Variants in EVA1C observed in about 807,000 individuals in gnomAD.
EVA1C encodes the protein eva-1 homolog C.
Under a neutral mutation model 45.4 loss-of-function variants are expected in EVA1C, and 25 were observed. That is an observed-to-expected ratio of 0.55 (90% CI 0.40 to 0.77). The LOEUF is 0.77. Ranked by LOEUF, EVA1C falls within the 30% of genes least tolerant of loss-of-function variation. EVA1C has a pLI of 0.00. For missense variants in EVA1C, 479 were observed against 554.8 expected (o/e 0.86, Z 1.37); for synonymous variants, 190 against 221.2 (o/e 0.86, Z 1.25).
intron 4 of EVA1C, among the ~76,000 whole-genome samples, chr21:32,494,489 T>C (rs1363833063): frequency 6.6e-6 from 1 of 152,134 alleles, no homozygotes; most frequent in Non-Finnish European, 1.5e-5. Context: ...TTCAAAAATA[T>C]ATCAGAATTT....
chr21:32,494,904 C>A, intron 4 of EVA1C, 123 bp from the exon 5 acceptor site: 2 of 1,043,470 alleles, frequency 1.9e-6, no homozygotes, highest in Non-Finnish European at 2.8e-6. Context: ...AGAAAATAAG[C>A]AGAGAAACTC....
At chr21:32,454,941 A>G (rs1381640538) in intron 2 of EVA1C, among the ~76,000 whole-genome samples, 1 of 152,192 alleles carries the variant, frequency 6.6e-6, no homozygotes, top group Non-Finnish European at 1.5e-5. Context: ...ATGACTCCCC[A>G]TGACATGGTT....
At chr21:32,437,179 C>CA (rs368504892) in intron 1 of EVA1C, among the ~76,000 whole-genome samples, 31 of 135,742 alleles carry the variant, frequency 2.3e-4, no homozygotes, top group African/African-American at 7.8e-4. Context: ...CAAAACAAAA[C>CA]AAACATAGAT....
At chr21:32,460,027 C>T (rs2035941909) in intron 3 of EVA1C, among the ~76,000 whole-genome samples, 1 of 152,152 alleles carries the variant, frequency 6.6e-6, no homozygotes, top group Non-Finnish European at 1.5e-5. Context: ...TTGACCGAAC[C>T]TCGGATAAGT....
chr21:32,460,351 T>C (rs777372339), intron 3 of EVA1C, among the ~76,000 whole-genome samples: 16 of 152,218 alleles, frequency 1.1e-4, no homozygotes, highest in Non-Finnish European at 1.8e-4. Context: ...AAAAAACATC[T>C]TCCTCTCATC....
At chr21:32,514,751 A>T in intron 7 of EVA1C, 63 bp from the exon 8 acceptor site, 1 of 1,486,834 alleles carries the variant, frequency 6.7e-7, no homozygotes, top group Non-Finnish European at 8.9e-7. Flanking sequence ...TTTCTGTGGG[A>T]CTTGGCACTG....
chr21:32,485,401 T>C (rs1972089362), intron 4 of EVA1C, among the ~76,000 whole-genome samples: 1 of 152,150 alleles, frequency 6.6e-6, no homozygotes, highest in South Asian at 2.1e-4. Context: ...ACTCCTGACC[T>C]CAGGTGATCC....
chr21:32,434,312 C>A (rs1349279529), intron 1 of EVA1C, among the ~76,000 whole-genome samples: 1 of 123,442 alleles, frequency 8.1e-6, no homozygotes, highest in African/African-American at 3.0e-5. Flanking sequence ...AATAAATAGG[C>A]CGGGCGTGGT....
intron 1 of EVA1C, among the ~76,000 whole-genome samples, chr21:32,447,117 G>A (rs2035392081): frequency 6.6e-6 from 1 of 152,196 alleles, no homozygotes; most frequent in Non-Finnish European, 1.5e-5. Flanking sequence ...TAATAGGTAT[G>A]AGCCTGGCGC....
chr21:32,459,379 G>A (rs1168424944), intron 3 of EVA1C, among the ~76,000 whole-genome samples: 4 of 152,172 alleles, frequency 2.6e-5, no homozygotes, highest in Non-Finnish European at 1.5e-5. Flanking sequence ...ACAGACTCAG[G>A]AAATCACATC....
chr21:32,463,374 G>A (rs2036068717), intron 3 of EVA1C, among the ~76,000 whole-genome samples: 2 of 152,154 alleles, frequency 1.3e-5, no homozygotes, highest in African/African-American at 4.8e-5. Context: ...CTCTAACCCA[G>A]CTCTAAAACA....
At chr21:32,442,301 C>T (rs1393830235) in intron 1 of EVA1C, among the ~76,000 whole-genome samples, 2 of 152,276 alleles carry the variant, frequency 1.3e-5, no homozygotes, top group African/African-American at 4.8e-5. Flanking sequence ...CTCTAGTTCT[C>T]TTCACAATTA....
intron 3 of EVA1C, among the ~76,000 whole-genome samples, chr21:32,462,291 G>A (rs1779198195): frequency 6.6e-6 from 1 of 151,986 alleles, no homozygotes; most frequent in African/African-American, 2.4e-5. Context: ...CCACTTGGGA[G>A]GCTGAAGTGG....
intron 4 of EVA1C, among the ~76,000 whole-genome samples, chr21:32,477,719 A>T (rs62216215): frequency 8.7e-5 from 1 of 11,494 alleles, no homozygotes; most frequent in African/African-American, 3.6e-4. Context: ...GTACGCCCTC[A>T]CCTCCCCCGT....
At chr21:32,495,230 G>A (rs2037311631) in intron 5 of EVA1C, 60 bp downstream of exon 5, 3 of 1,582,040 alleles carry the variant, frequency 1.9e-6, no homozygotes, top group Non-Finnish European at 2.6e-6. Flanking sequence ...GGAGGGTGGT[G>A]ACCATGTGAA....
chr21:32,501,649 GC>G, intron 6 of EVA1C, 154 bp downstream of exon 6: 4 of 827,630 alleles, frequency 4.8e-6, no homozygotes, highest in Non-Finnish European at 7.0e-6. Context: ...CTTATTATCG[GC>G]CAATAGTTGC....
chr21:32,490,914 T>C (rs1251518654), intron 4 of EVA1C, among the ~76,000 whole-genome samples: 3 of 152,224 alleles, frequency 2.0e-5, no homozygotes, highest in Non-Finnish European at 4.4e-5. Flanking sequence ...GGATGGAGGT[T>C]ATAACCTTCC....
chr21:32,431,010 T>A (rs1363638272), intron 1 of EVA1C, among the ~76,000 whole-genome samples: 1 of 136,550 alleles, frequency 7.3e-6, no homozygotes, highest in Non-Finnish European at 1.6e-5. Context: ...TTATTCAACG[T>A]CATGAGAACA....
chr21:32,506,866 A>G (rs939660478), intron 7 of EVA1C, among the ~76,000 whole-genome samples: 9 of 152,120 alleles, frequency 5.9e-5, no homozygotes, highest in African/African-American at 2.2e-4. Context: ...CACTGTGGGG[A>G]TGTGACCCAC....
Sources: gnomAD v4.1 joint callset for allele counts (sites outside exome capture counted in the v4.1 genomes callset) on GRCh38, gnomAD v4.1.1 for gene constraint, MANE v1.5 for transcripts, NCBI Gene and HGNC (gene_info 2026-07-23, HGNC 2026-07-21) for gene names.